The following RADX variants were observed in gnomAD, a reference collection of about 807,000 sequenced individuals.
RADX encodes the protein RPA-related protein RADX.
In RADX, 36 loss-of-function variants were observed where a neutral mutation model predicts 61.6. The observed-to-expected ratio is 0.58, with a 90% confidence interval of 0.45 to 0.77. RADX has a LOEUF of 0.77. RADX is among the 30% of genes least tolerant of loss of function. RADX has a pLI of 0.00. For synonymous variants in RADX, 272 were observed against 237.9 expected, an observed-to-expected ratio of 1.14 and a Z score of -1.32; for missense variants, 497 against 651.1, an observed-to-expected ratio of 0.76 and a Z score of 2.58.
intron 1 of RADX, among the ~76,000 whole-genome samples, chrX:106,621,935 T>C (rs774419677): frequency 6.6e-5 from 7 of 106,635 alleles, no homozygotes; most frequent in African/African-American, 2.4e-4. Context: ...GTTTTTTTTT[T>C]TTTTTTTTTG....
intron 5 of RADX, 39 bp from the exon 6 acceptor site, chrX:106,633,091 A>G (rs777244113): frequency 1.7e-6 from 2 of 1,173,898 alleles, no homozygotes; most frequent in Non-Finnish European, 2.3e-6. Flanking sequence ...TATGTATATA[A>G]CAGTTACCTT....
intron 6 of RADX, among the ~76,000 whole-genome samples, chrX:106,634,140 CAT>C (rs971164229): frequency 9.1e-6 from 1 of 110,140 alleles, no homozygotes; most frequent in Non-Finnish European, 1.9e-5. Flanking sequence ...TATCTGTATA[CAT>C]ATATATATAT....
At chrX:106,614,407 A>G (rs1031892459) in intron 1 of RADX, among the ~76,000 whole-genome samples, 1 of 111,991 alleles carries the variant, frequency 8.9e-6, no homozygotes, top group Non-Finnish European at 1.9e-5. Flanking sequence ...GCCCATGTGA[A>G]TAGGTAATTT....
intron 3 of RADX, among the ~76,000 whole-genome samples, chrX:106,625,683 T>C (rs1305293388): frequency 9.0e-6 from 1 of 111,653 alleles, no homozygotes; most frequent in African/African-American, 3.2e-5. Context: ...AAGAATGGTA[T>C]AGAGAACTCC....
At chrX:106,630,524 C>T (rs1340294113) in intron 3 of RADX, among the ~76,000 whole-genome samples, 1 of 110,434 alleles carries the variant, frequency 9.1e-6, no homozygotes, top group Non-Finnish European at 1.9e-5. Context: ...TGTGAGAAGA[C>T]AAAATGAATT....
chrX:106,634,559 C>T (rs1055473644), intron 6 of RADX, among the ~76,000 whole-genome samples: 2 of 111,539 alleles, frequency 1.8e-5, no homozygotes, highest in African/African-American at 6.5e-5. Flanking sequence ...CAGTATTATA[C>T]ACCTCTGCTT....
At position 106,638,832 on chromosome X, in the gene RADX, A is replaced by C. The variant is rs1350908962; in HGVS notation, c.1574-695A>C. ...CTATGATGTTATACAGAAAGACTAA[A>C]GATATCTAAAGGAGACACTGGGTAA... On this transcript the variant is annotated intron_variant, in intron 8 of 13. Transcript: ENST00000372548. Among the ~76,000 whole-genome samples the C allele has an allele frequency of 3.6e-5, 4 of 110,463 alleles. No individual in the cohort carries two copies. In the Admixed American group the frequency reaches 3.8e-4, roughly 11 times the overall value.
Position 106,662,225 on chromosome X carries a change from T to C in RADX, c.2189T>C (p.Val730Ala), listed in dbSNP as rs1196926191. Residue 730 changes from valine to alanine, a missense_variant, in exon 12 of 14, where the codon GTA (valine) becomes GCA (alanine). Physicochemically the swap from Val to Ala is moderately conservative, Grantham distance 64. Transcript: ENST00000372548. ...TATAATTCTCAGCCTGCGAAATATGTACCACCAGAAGGAAGGCCCCCAAAA... is the reference window on the plus strand; with the variant it reads ...TATAATTCTCAGCCTGCGAAATATGCACCACCAGAAGGAAGGCCCCCAAAA... ...DQYNSQPAKYVPPEGRPPKLD... is the reference protein window; with the variant it reads ...DQYNSQPAKYAPPEGRPPKLD... 1.7e-6 allele frequency: 2 copies of C among 1,210,986 alleles called. No individual in the cohort carries two copies. The highest frequency in any genetic ancestry group is 2.2e-6 in the Non-Finnish European group (2 of 894,952).
chrX:106,667,832 C>T (rs949450033), intron 12 of RADX, among the ~76,000 whole-genome samples: 6 of 111,141 alleles, frequency 5.4e-5, no homozygotes, highest in Admixed American at 1.9e-4. Flanking sequence ...CAAGTTGGAA[C>T]GGTCAATGGT....
Position 106,614,091 on chromosome X carries a change from A to G in RADX, c.643+1368A>G, listed in dbSNP as rs1032813915. Among the ~76,000 whole-genome samples the G allele has an allele frequency of 2.7e-5, 3 of 111,781 alleles. 1 individual carries two copies. In the South Asian group the frequency reaches 1.1e-3, roughly 42 times the overall value. On this transcript the variant is annotated intron_variant, in intron 1 of 13. Transcript: ENST00000372548. ...CAAAGTATAGTAAAATGTTAGTGAT[A>G]AAATCTAGGAAGTGGGCATATTGAT...
intron 1 of RADX, among the ~76,000 whole-genome samples, chrX:106,613,653 G>A (rs1184165041): frequency 8.9e-6 from 1 of 111,991 alleles, no homozygotes; most frequent in Non-Finnish European, 1.9e-5. Context: ...AAACTTGAAA[G>A]TAAAAGAATA....
Position 106,617,026 on chromosome X carries a change from T to TG in RADX, c.643+4303_643+4304insG, listed in dbSNP as rs1926822662. 3.2e-5 allele frequency among the ~76,000 whole-genome samples: 3 copies of TG among 92,731 alleles called. No individual in the cohort carries two copies. In the South Asian group the frequency reaches 1.7e-3, roughly 51 times the overall value. 80.5% of individuals were successfully genotyped at this position (92,731 alleles called of 115,157 possible). On this transcript the variant is annotated intron_variant, in intron 1 of 13. Coordinates refer to ENST00000372548, the MANE Select transcript of RADX (RefSeq NM_018015.6). ...GTTTTTTTTGTGTGTGTGGGTTTTT[T>TG]TTTTTTTTTTTTTTTTTTGACAGAG...
intron 2 of RADX, among the ~76,000 whole-genome samples, chrX:106,623,118 G>T (rs1359905232): frequency 9.1e-6 from 1 of 110,454 alleles, no homozygotes; most frequent in East Asian, 2.8e-4. Context: ...TTTAAAAAAA[G>T]AAAAGAAAAG....
chrX:106,627,046 A>C (rs1038323124), intron 3 of RADX, among the ~76,000 whole-genome samples: 2 of 112,339 alleles, frequency 1.8e-5, no homozygotes, highest in African/African-American at 6.5e-5. Context: ...ATATTTATTT[A>C]CAAAAACTTG....
chrX:106,678,396 C>T lies in RADX; in HGVS notation c.*138C>T, dbSNP rs1225886624. On this transcript the variant is annotated 3_prime_UTR_variant, in exon 14 of 14. Transcript: ENST00000372548. Reference sequence around the variant, plus strand: ...TAAAGTTATTAAGCAGTTTTATGTTCGTTTTGTGTTTAGGGAGCTTTTTAA... The same window carrying T: ...TAAAGTTATTAAGCAGTTTTATGTTTGTTTTGTGTTTAGGGAGCTTTTTAA... 11 of 407,711 alleles carry T rather than the reference C, an allele frequency of 2.7e-5. No homozygotes were observed. The East Asian group carries it at 3.9e-4, about 14-fold the overall frequency. The allele number at this position is 407,711 out of a possible 1,213,427, so 33.6% of individuals were successfully genotyped here.
Position 106,612,538 on chromosome X carries a change from T to C in RADX, c.458T>C (p.Val153Ala), listed in dbSNP as rs142271331. 5.1e-4 allele frequency: 617 copies of C among 1,209,452 alleles called. 2 individuals are homozygous for C. The African/African-American group carries it at 9.8e-3, about 19-fold the overall frequency. Residue 153 changes from valine (V) to alanine (A), a missense_variant, in exon 1 of 14, where the codon GTC (valine) becomes GCC (alanine). Transcript: ENST00000372548. ...IGQGILCIDN[V>A]HCGETSDSIS... The stretch of plus-strand genomic sequence containing the variant: ...CAGGGGATCCTGTGCATAGATAACG[T>C]CCACTGTGGGGAGACTTCAGACAGT...
intron 1 of RADX, among the ~76,000 whole-genome samples, chrX:106,616,809 G>T (rs1377363562): frequency 9.1e-6 from 1 of 109,426 alleles, no homozygotes; most frequent in Non-Finnish European, 1.9e-5. Context: ...ATAACTTAAT[G>T]TGCATCAATT....
chrX:106,645,117 C>T (rs759412734), intron 10 of RADX, among the ~76,000 whole-genome samples: 248 of 110,170 alleles, frequency 2.3e-3, no homozygotes, highest in African/African-American at 8.0e-3. Context: ...TGTAAAAGCT[C>T]CTTTTTCATT....
intron 7 of RADX, among the ~76,000 whole-genome samples, chrX:106,636,946 T>TTGAAGA (rs1927373470): frequency 9.0e-6 from 1 of 111,482 alleles, no homozygotes; most frequent in Admixed American, 9.6e-5. Flanking sequence ...GCTTGATAGA[T>TTGAAGA]TGAAGACCTG....
Sources: gnomAD v4.1 joint callset for allele counts (sites outside exome capture counted in the v4.1 genomes callset) on GRCh38, gnomAD v4.1.1 for gene constraint, MANE v1.5 for transcripts, NCBI Gene and HGNC (gene_info 2026-07-23, HGNC 2026-07-21) for gene names.